PTPRK: variants seen among roughly 807,000 people sequenced by gnomAD.
PTPRK encodes protein tyrosine phosphatase receptor type K, also known as receptor-type tyrosine-protein phosphatase kappa.
In PTPRK, 75 loss-of-function variants were observed where a neutral mutation model predicts 178.0. The ratio of observed to expected loss-of-function variants is 0.42; its 90% CI spans 0.35 to 0.51. The LOEUF is 0.51. PTPRK is among the 20% of genes least tolerant of loss of function. The probability of loss-of-function intolerance (pLI) is 0.02; values close to 1 mark genes in which losing one functional copy is unlikely to be tolerated. For synonymous variants in PTPRK, 637 were observed against 620.6 expected (o/e 1.03, Z -0.39); for missense variants, 1,441 against 1,797.8 (o/e 0.80, Z 3.59).
chr6:128,228,673 A>G (rs1291631505), intron 5 of PTPRK, among the ~76,000 whole-genome samples: 17 of 138,570 alleles, frequency 1.2e-4, no homozygotes, highest in African/African-American at 4.5e-4. Context: ...AAAAAAAAAA[A>G]GCAAAAACAA....
At chr6:128,445,393 T>C (rs1013086322) in intron 1 of PTPRK, among the ~76,000 whole-genome samples, 27 of 149,148 alleles carry the variant, frequency 1.8e-4, no homozygotes, top group African/African-American at 6.6e-4. Flanking sequence ...ATAATATGCT[T>C]ATATAGCTGC....
At chr6:128,193,278 G>GT (rs1804181435) in intron 6 of PTPRK, among the ~76,000 whole-genome samples, 1 of 39,144 alleles carries the variant, frequency 2.6e-5, no homozygotes, top group Non-Finnish European at 4.0e-5. Context: ...TATCCAGCTT[G>GT]TGAAAAAAAA....
At chr6:128,044,540 G>T (rs1230535564) in intron 13 of PTPRK, among the ~76,000 whole-genome samples, 2 of 151,912 alleles carry the variant, frequency 1.3e-5, no homozygotes. Flanking sequence ...AGGCCTTCAT[G>T]ATCCTTTCTA....
At chr6:128,095,859 T>G (rs1443258220) in intron 7 of PTPRK, among the ~76,000 whole-genome samples, 2 of 152,220 alleles carry the variant, frequency 1.3e-5, no homozygotes. Flanking sequence ...TTCCATTATT[T>G]CATTTCCAGT....
chr6:128,021,175 C>T (rs908912642), intron 13 of PTPRK, among the ~76,000 whole-genome samples: 7 of 152,094 alleles, frequency 4.6e-5, no homozygotes, highest in Non-Finnish European at 1.0e-4. Flanking sequence ...TGGTTCTTGG[C>T]TGTCTAAAAT....
chr6:128,467,273 T>C (rs1849978701), intron 1 of PTPRK, among the ~76,000 whole-genome samples: 1 of 152,170 alleles, frequency 6.6e-6, no homozygotes. Flanking sequence ...CAGGAGCCAT[T>C]GGACTGGCCT....
At chr6:128,080,932 A>G (rs1315915281) in intron 10 of PTPRK, among the ~76,000 whole-genome samples, 3 of 152,048 alleles carry the variant, frequency 2.0e-5, no homozygotes, top group Admixed American at 1.3e-4. Context: ...GAATAATTAA[A>G]AGAAAAAATC....
At chr6:127,992,485 A>C (rs1051620056) in intron 19 of PTPRK, among the ~76,000 whole-genome samples, 188 bp downstream of exon 19, 2 of 151,840 alleles carry the variant, frequency 1.3e-5, no homozygotes, top group African/African-American at 4.8e-5. Context: ...AAAGTAAATC[A>C]AGCTTAAATT....
At chr6:128,025,233 G>A (rs1774106697) in intron 13 of PTPRK, among the ~76,000 whole-genome samples, 1 of 152,184 alleles carries the variant, frequency 6.6e-6, no homozygotes, top group Non-Finnish European at 1.5e-5. Context: ...GCCAAGTTTT[G>A]TATTCCTTCA....
chr6:127,985,807 G>C lies in PTPRK; in HGVS notation c.3165C>G (p.Pro1055=), dbSNP rs780494498. Residue 1055 remains proline, a synonymous_variant, in exon 22 of 30, where the codon CCC becomes CCG. Coordinates refer to ENST00000368226, the MANE Select transcript of PTPRK (RefSeq NM_002844.4). ...AGGAAAGCAGCCCTGTAGCATGGTAGGGCACTCCATGGTCAGGCCAGCCCG... is the reference window on the plus strand; with the variant it reads ...AGGAAAGCAGCCCTGTAGCATGGTACGGCACTCCATGGTCAGGCCAGCCCG... ...HFTGWPDHGV[P]YHATGLLSFI... 6.2e-7 allele frequency: 1 copy of C among 1,613,864 alleles called. No homozygotes were observed. The highest frequency in any genetic ancestry group is 8.5e-7 in the Non-Finnish European group (1 of 1,179,844).
At position 128,276,404 on chromosome 6, in the gene PTPRK, A is replaced by C. The variant is rs188778036; in HGVS notation, c.496-33802T>G. On this transcript the variant is annotated intron_variant, in intron 3 of 29. Coordinates refer to ENST00000368226, the MANE Select transcript of PTPRK (RefSeq NM_002844.4). ...AGATTCTGCCTCCATTCTAGAAAAG[A>C]CTAAAGGAAGCTGAAAGGATATATT... 9.9e-5 allele frequency among the ~76,000 whole-genome samples: 15 copies of C among 152,284 alleles called. No individual in the cohort carries two copies. The East Asian group carries it at 2.7e-3, about 27-fold the overall frequency.
chr6:128,029,054 A>T lies in PTPRK; in HGVS notation c.2195-19786T>A, dbSNP rs540907879. On this transcript the variant is annotated intron_variant, in intron 13 of 29. Coordinates refer to ENST00000368226, the MANE Select transcript of PTPRK (RefSeq NM_002844.4). The stretch of plus-strand genomic sequence containing the variant: ...TGGGTGTTTGTGCCCTCCAAATCTC[A>T]TGCTGAGATGTATTCCCCAATGCTG... 3.3e-5 allele frequency among the ~76,000 whole-genome samples: 5 copies of T among 152,236 alleles called. No individual in the cohort carries two copies. The South Asian group carries it at 8.3e-4, about 25-fold the overall frequency.
At chr6:128,322,338 T>A (rs762181866) in intron 2 of PTPRK, 28 bp from the exon 3 acceptor site, 30 of 1,518,312 alleles carry the variant, frequency 2.0e-5, no homozygotes, top group Non-Finnish European at 2.4e-5. Flanking sequence ...ATAATAATGC[T>A]AAAGAGATAT....
intron 13 of PTPRK, among the ~76,000 whole-genome samples, chr6:128,022,596 G>C (rs573268393): frequency 1.3e-5 from 2 of 152,068 alleles, no homozygotes; most frequent in Non-Finnish European, 2.9e-5. Flanking sequence ...CCCAGCTTAC[G>C]GAGTAAAGGA....
At position 128,228,236 on chromosome 6, in the gene PTPRK, A is replaced by G. The variant is rs140913546; in HGVS notation, c.694-9140T>C. Among the ~76,000 whole-genome samples the G allele has an allele frequency of 1.4e-3, 215 of 152,228 alleles. 2 individuals carry two copies. The highest frequency in any genetic ancestry group is 6.8e-3 in the Middle Eastern group (2 of 294). ...GAAAAAGGGGTAATTTTTAATGTTT[A>G]GAATAAGGAGAATAAAAATATTTGA... On this transcript the variant is annotated intron_variant, in intron 5 of 29. Coordinates refer to ENST00000368226, the MANE Select transcript of PTPRK (RefSeq NM_002844.4).
intron 13 of PTPRK, among the ~76,000 whole-genome samples, chr6:128,026,323 A>G (rs1296761773): frequency 6.6e-6 from 1 of 152,188 alleles, no homozygotes; most frequent in African/African-American, 2.4e-5. Context: ...CTATTTGTAT[A>G]TGTGTAAAGT....
chr6:128,283,506 T>A (rs1345053862), intron 3 of PTPRK, among the ~76,000 whole-genome samples: 2 of 152,156 alleles, frequency 1.3e-5, no homozygotes, highest in Non-Finnish European at 2.9e-5. Flanking sequence ...AAGCATGAAC[T>A]TTTATATGTA....
intron 13 of PTPRK, among the ~76,000 whole-genome samples, chr6:128,055,508 T>G (rs189629224): frequency 6.6e-4 from 101 of 152,268 alleles, no homozygotes; most frequent in African/African-American, 2.4e-3. Flanking sequence ...ATTTATACAT[T>G]TTTTTTCTAT....
chr6:128,108,470 T>A (rs1458802982), intron 7 of PTPRK, among the ~76,000 whole-genome samples: 1 of 152,048 alleles, frequency 6.6e-6, no homozygotes, highest in African/African-American at 2.4e-5. Flanking sequence ...CTTGCTAAAT[T>A]TTACAAAAGA....
Sources: allele counts gnomAD v4.1 joint callset (sites outside exome capture counted in the v4.1 genomes callset), GRCh38; gene constraint gnomAD v4.1.1; transcripts MANE v1.5; gene names NCBI Gene and HGNC (gene_info 2026-07-23, HGNC 2026-07-21).